Variants in PLEKHG1 observed in about 807,000 individuals in gnomAD.
The protein encoded by PLEKHG1 is pleckstrin homology domain-containing family G member 1.
In PLEKHG1, 44 loss-of-function variants were observed where a neutral mutation model predicts 100.8. That is an observed-to-expected ratio of 0.44 (90% CI 0.34 to 0.56). PLEKHG1 has a LOEUF of 0.56. PLEKHG1 is among the 20% of genes least tolerant of loss of function. The probability of loss-of-function intolerance (pLI) is 0.01; values close to 1 mark genes in which losing one functional copy is unlikely to be tolerated. For missense variants in PLEKHG1, 1,545 were observed against 1,720.9 expected (o/e 0.90, Z 1.81); for synonymous variants, 640 against 662.5 (o/e 0.97, Z 0.52).
chr6:150,684,760 C>CG (rs1428657291), intron 3 of PLEKHG1, among the ~76,000 whole-genome samples: 5 of 149,898 alleles, frequency 3.3e-5, no homozygotes, highest in South Asian at 2.1e-4. Flanking sequence ...CTTTTCATGG[C>CG]GGGGGGTTGG....
At chr6:150,721,485 T>A (rs1781671853) in intron 1 of PLEKHG1, among the ~76,000 whole-genome samples, 1 of 152,200 alleles carries the variant, frequency 6.6e-6, no homozygotes, top group Non-Finnish European at 1.5e-5. Context: ...TTCCTTAAAG[T>A]GAGGTTGAAA....
At chr6:150,788,146 A>C (rs921642626) in intron 4 of PLEKHG1, among the ~76,000 whole-genome samples, 1 of 152,244 alleles carries the variant, frequency 6.6e-6, no homozygotes, top group African/African-American at 2.4e-5. Context: ...CCACGTTGCC[A>C]ACTCCCAAAT....
chr6:150,728,986 A>G (rs1342226485), intron 1 of PLEKHG1, among the ~76,000 whole-genome samples: 1 of 152,166 alleles, frequency 6.6e-6, no homozygotes, highest in East Asian at 1.9e-4. Context: ...ATACACAAAT[A>G]CAAAAATTAT....
intron 2 of PLEKHG1, among the ~76,000 whole-genome samples, chr6:150,743,991 T>C (rs140722723): frequency 6.6e-6 from 1 of 152,330 alleles, no homozygotes; most frequent in Non-Finnish European, 1.5e-5. Context: ...TGAAGGTTCA[T>C]TGTCACATTG....
At chr6:150,813,315 A>AC (rs1282911404) in intron 10 of PLEKHG1, among the ~76,000 whole-genome samples, 3 of 151,576 alleles carry the variant, frequency 2.0e-5, no homozygotes, top group Non-Finnish European at 4.4e-5. Flanking sequence ...AAAAAAAAAA[A>AC]AAAACAAAAT....
exon 16 of PLEKHG1, chr6:150,841,274 G>A (rs1777521692): frequency 6.9e-6 from 2 of 290,452 alleles, no homozygotes; most frequent in Non-Finnish European, 1.3e-5. Flanking sequence ...GTGACTCAAA[G>A]GCAGCAAGGA....
chr6:150,622,734 T>A (rs1777353122), intron 1 of PLEKHG1, among the ~76,000 whole-genome samples: 2 of 152,236 alleles, frequency 1.3e-5, no homozygotes, highest in African/African-American at 4.8e-5. Flanking sequence ...CTGCCCTAGG[T>A]TCATTTCGTT....
At chr6:150,679,149 T>C (rs1779855198) in intron 3 of PLEKHG1, among the ~76,000 whole-genome samples, 1 of 152,180 alleles carries the variant, frequency 6.6e-6, no homozygotes, top group Non-Finnish European at 1.5e-5. Flanking sequence ...AGAAAATAAA[T>C]ACAGAAATCA....
At chr6:150,626,612 A>AT (rs1471580717) in intron 1 of PLEKHG1, among the ~76,000 whole-genome samples, 1 of 152,162 alleles carries the variant, frequency 6.6e-6, no homozygotes, top group Non-Finnish European at 1.5e-5. Context: ...GCTGGCAAGC[A>AT]TTTTTTGTTT....
intron 3 of PLEKHG1, among the ~76,000 whole-genome samples, chr6:150,692,136 G>T (rs905891831): frequency 5.9e-5 from 9 of 152,180 alleles, no homozygotes; most frequent in African/African-American, 1.9e-4. Context: ...GCAACTTCAG[G>T]CATGAGTAAA....
intron 10 of PLEKHG1, among the ~76,000 whole-genome samples, chr6:150,812,924 C>CGTGCA (rs1412684003): frequency 6.6e-6 from 1 of 152,040 alleles, no homozygotes; most frequent in Non-Finnish European, 1.5e-5. Flanking sequence ...ACAAAGGGTT[C>CGTGCA]GATTTCACTC....
At chr6:150,718,868 G>C (rs887399377), upstream of PLEKHG1, among the ~76,000 whole-genome samples, 10 of 148,382 alleles carry the variant, frequency 6.7e-5, no homozygotes, top group African/African-American at 2.2e-4. Context: ...GCAAATACTT[G>C]GTACTAGGAT....
Position 150,616,999 on chromosome 6 carries a change from CT to C in PLEKHG1, c.-204+16984del. The stretch of plus-strand genomic sequence containing the variant: ...AGAAGATTAAAAAGAAAATCAAGAA[CT>C]TGGAATATAATGATTTTTACCAACA... On this transcript the variant is annotated intron_variant, in intron 1 of 3. Coordinates refer to the PLEKHG1 transcript ENST00000367326. Among the ~76,000 whole-genome samples the C allele has an allele frequency of 1.3e-5, 2 of 152,274 alleles. 1 individual carries two copies. The highest frequency in any genetic ancestry group is 2.9e-5 in the Non-Finnish European group (2 of 68,018).
intron 1 of PLEKHG1, among the ~76,000 whole-genome samples, chr6:150,632,268 G>T (rs940973955): frequency 2.6e-5 from 4 of 152,350 alleles, no homozygotes; most frequent in Admixed American, 1.3e-4. Context: ...GCTTACAAGT[G>T]ATGGTTTTTC....
intron 3 of PLEKHG1, among the ~76,000 whole-genome samples, chr6:150,681,501 T>G (rs1449403766): frequency 8.9e-6 from 1 of 111,900 alleles, no homozygotes; most frequent in African/African-American, 3.4e-5. Context: ...TGACTCTGTC[T>G]CAAAAAAAAA....
chr6:150,629,589 T>G (rs967329723), intron 1 of PLEKHG1, among the ~76,000 whole-genome samples: 4 of 152,102 alleles, frequency 2.6e-5, no homozygotes, highest in Non-Finnish European at 5.9e-5. Context: ...GTCTCCCAAG[T>G]AGCTGGGACT....
intron 3 of PLEKHG1, among the ~76,000 whole-genome samples, chr6:150,687,792 G>A (rs984644261): frequency 6.6e-6 from 1 of 152,176 alleles, no homozygotes; most frequent in Non-Finnish European, 1.5e-5. Context: ...GAGTAAACAC[G>A]AGTGTTCTTG....
At chr6:150,710,519 G>A (rs1214858535) in intron 3 of PLEKHG1, among the ~76,000 whole-genome samples, 1 of 152,128 alleles carries the variant, frequency 6.6e-6, no homozygotes, top group Non-Finnish European at 1.5e-5. Flanking sequence ...ACTGTCTGGA[G>A]GAGAAAGAAA....
chr6:150,819,527 C>T (rs1776179632), intron 11 of PLEKHG1, 152 bp from the exon 13 acceptor site: 4 of 406,048 alleles, frequency 9.9e-6, no homozygotes, highest in Non-Finnish European at 8.7e-6. Context: ...GATCATGCCA[C>T]CGCACTTCAG....
Sources: allele counts gnomAD v4.1 joint callset (sites outside exome capture counted in the v4.1 genomes callset), GRCh38; gene constraint gnomAD v4.1.1; transcripts MANE v1.5; gene names NCBI Gene and HGNC (gene_info 2026-07-23, HGNC 2026-07-21).